AJAP1: variants seen among roughly 807,000 people sequenced by gnomAD.
AJAP1 encodes adherens junction-associated protein 1.
In AJAP1, 5 loss-of-function variants were observed where a neutral mutation model predicts 35.0. That is an observed-to-expected ratio of 0.14 (90% CI 0.07 to 0.30). AJAP1 has a LOEUF of 0.30. Ranked by LOEUF, AJAP1 falls within the 10% of genes least tolerant of loss-of-function variation. The pLI, the probability that AJAP1 is intolerant of heterozygous loss-of-function variation, is 1.00. For synonymous variants in AJAP1, 284 were observed against 249.3 expected, an observed-to-expected ratio of 1.14 and a Z score of -1.31; for missense variants, 586 against 571.0, an observed-to-expected ratio of 1.03 and a Z score of -0.27.
intron 2 of AJAP1, among the ~76,000 whole-genome samples, chr1:4,746,768 T>C (rs1482441122): frequency 2.0e-5 from 3 of 152,196 alleles, no homozygotes; most frequent in African/African-American, 7.2e-5. Context: ...CCAGGTTTCG[T>C]GGTTTGCCCA....
intron 1 of AJAP1, among the ~76,000 whole-genome samples, chr1:4,696,964 GTCTC>G (rs995730642): frequency 5.9e-5 from 9 of 152,146 alleles, no homozygotes; most frequent in African/African-American, 1.9e-4. Context: ...GTGTATGTGT[GTCTC>G]TGTATGTGCA....
chr1:4,664,393 G>A (rs1294812106), intron 1 of AJAP1, among the ~76,000 whole-genome samples: 2 of 152,206 alleles, frequency 1.3e-5, no homozygotes, highest in Non-Finnish European at 2.9e-5. Flanking sequence ...TGGTATGGAG[G>A]TGAAAAGGAC....
chr1:4,769,774 C>A, intron 2 of AJAP1, 79 bp from the exon 3 acceptor site: 1 of 1,243,570 alleles, frequency 8.0e-7, no homozygotes, highest in South Asian at 1.2e-5. Context: ...TGGGGGGATG[C>A]ACCTCCACCT....
At chr1:4,737,269 CT>C (rs1037548701) in intron 2 of AJAP1, among the ~76,000 whole-genome samples, 7 of 152,192 alleles carry the variant, frequency 4.6e-5, no homozygotes, top group African/African-American at 1.7e-4. Flanking sequence ...GAGCCTGAGC[CT>C]GAGCCTGAGC....
intron 1 of AJAP1, among the ~76,000 whole-genome samples, chr1:4,696,472 T>C (rs1429304422): frequency 6.6e-6 from 1 of 152,144 alleles, no homozygotes; most frequent in African/African-American, 2.4e-5. Flanking sequence ...TGGGAAGGAA[T>C]TACCCAACCT....
intron 1 of AJAP1, among the ~76,000 whole-genome samples, chr1:4,667,163 A>G (rs980299411): frequency 3.3e-5 from 5 of 152,062 alleles, no homozygotes; most frequent in African/African-American, 1.2e-4. Context: ...CCAGGCGGGG[A>G]AGACAACTGG....
At chr1:4,658,672 C>G (rs1638936043) in intron 1 of AJAP1, among the ~76,000 whole-genome samples, 1 of 152,212 alleles carries the variant, frequency 6.6e-6, no homozygotes, top group African/African-American at 2.4e-5. Context: ...CCCTTTCATG[C>G]TCACCCCCAC....
rs900933029 is a variant in AJAP1, at chr1:4,785,634, C to T, written c.*3149C>T. On this transcript the variant is annotated 3_prime_UTR_variant, in exon 6 of 6. Coordinates refer to ENST00000378191, the MANE Select transcript of AJAP1 (RefSeq NM_018836.4). ...GGCTGCTGATTTGGCCTGATCAGTC[C>T]TTCTGCAGCCTTGGGGCAGTGTTTC... The T allele has an allele frequency of 3.9e-5, 6 of 152,218 alleles. No individual in the cohort carries two copies. Among genetic ancestry groups the T allele is most frequent in the African/African-American group, 1.4e-4 (6 of 41,438 alleles). The allele number at this position is 152,218 out of a possible 1,614,324, so 9.4% of individuals were successfully genotyped here. A position where few individuals can be genotyped will look rare whatever the true frequency, so the allele number is the denominator to read the frequency against.
intron 2 of AJAP1, among the ~76,000 whole-genome samples, chr1:4,739,413 T>C (rs1641006661): frequency 6.6e-6 from 1 of 152,230 alleles, no homozygotes; most frequent in Admixed American, 6.5e-5. Context: ...CTGTTGGCAA[T>C]GCATTTGGAA....
At chr1:4,780,068 C>A (rs1048280645) in intron 5 of AJAP1, among the ~76,000 whole-genome samples, 7 of 146,732 alleles carry the variant, frequency 4.8e-5, no homozygotes, top group Admixed American at 2.1e-4. Flanking sequence ...CGCTTGAACC[C>A]AGGAGGCGGA....
chr1:4,715,281 G>T (rs987837143), intron 2 of AJAP1, among the ~76,000 whole-genome samples: 3 of 152,268 alleles, frequency 2.0e-5, no homozygotes, highest in Non-Finnish European at 4.4e-5. Flanking sequence ...GTTAGCAGGT[G>T]CCTTGAGGCT....
At chr1:4,683,892 G>T (rs1639543038) in intron 1 of AJAP1, among the ~76,000 whole-genome samples, 1 of 152,214 alleles carries the variant, frequency 6.6e-6, no homozygotes, top group South Asian at 2.1e-4. Context: ...AGGGCAGGGG[G>T]CACTGAGGAG....
At position 4,787,851 on chromosome 1, in the gene AJAP1, C is replaced by T; in HGVS notation, c.*5366C>T. On this transcript the variant is annotated 3_prime_UTR_variant, in exon 6 of 6. Transcript: ENST00000378191. ...GAAGGCAGCTGCATCTCCAGAAGCTCCCCCAGCACTGAGCTCACTTAGTGG... is the reference window on the plus strand; with the variant it reads ...GAAGGCAGCTGCATCTCCAGAAGCTTCCCCAGCACTGAGCTCACTTAGTGG... The T allele has an allele frequency of 2.3e-6, 1 of 441,702 alleles. No individual in the cohort carries two copies. The highest frequency in any genetic ancestry group is 4.6e-6 in the Non-Finnish European group (1 of 217,570). 27.4% of individuals were successfully genotyped at this position (441,702 alleles called of 1,614,324 possible). A position where few individuals can be genotyped will look rare whatever the true frequency, so the allele number is the denominator to read the frequency against.
chr1:4,680,502 G>C (rs528709054), intron 1 of AJAP1, among the ~76,000 whole-genome samples: 1 of 152,286 alleles, frequency 6.6e-6, no homozygotes, highest in African/African-American at 2.4e-5. Context: ...GCTGGGTAGG[G>C]GTTGGGTTAT....
At chr1:4,738,652 C>A (rs1640988288) in intron 2 of AJAP1, among the ~76,000 whole-genome samples, 1 of 152,166 alleles carries the variant, frequency 6.6e-6, no homozygotes, top group Admixed American at 6.5e-5. Flanking sequence ...CTAGGAGAAG[C>A]CGCTGGAGGG....
chr1:4,700,096 C>A (rs1413010285), intron 1 of AJAP1, among the ~76,000 whole-genome samples: 1 of 152,190 alleles, frequency 6.6e-6, no homozygotes, highest in East Asian at 1.9e-4. Context: ...CTGGCTGAGG[C>A]CCCGAGCTCC....
chr1:4,726,209 A>G (rs376622696), intron 2 of AJAP1, among the ~76,000 whole-genome samples: 1,032 of 118,832 alleles, frequency 8.7e-3, no homozygotes, highest in African/African-American at 0.03. Flanking sequence ...CCTGAATCCT[A>G]GAGAGAGCTG....
At chr1:4,763,528 G>A (rs1341236956) in intron 2 of AJAP1, among the ~76,000 whole-genome samples, 3 of 152,178 alleles carry the variant, frequency 2.0e-5, no homozygotes, top group Non-Finnish European at 4.4e-5. Context: ...AATGCCCAGA[G>A]AGCTGGTAAA....
intron 2 of AJAP1, among the ~76,000 whole-genome samples, chr1:4,752,482 AC>A (rs779960392): frequency 4.0e-4 from 61 of 152,200 alleles, no homozygotes; most frequent in Non-Finnish European, 6.6e-4. Flanking sequence ...TCGCAATCTT[AC>A]GAGCTATGGG....
Sources: gnomAD v4.1 joint callset for allele counts (sites outside exome capture counted in the v4.1 genomes callset) on GRCh38, gnomAD v4.1.1 for gene constraint, MANE v1.5 for transcripts, NCBI Gene and HGNC (gene_info 2026-07-23, HGNC 2026-07-21) for gene names.